The following ZRANB3 variants were observed in gnomAD, a reference collection of about 807,000 sequenced individuals.
ZRANB3 encodes the protein DNA annealing helicase and endonuclease ZRANB3.
A neutral mutation model predicts 133.8 loss-of-function variants in ZRANB3; 125 were observed. The ratio of observed to expected loss-of-function variants is 0.93; its 90% CI spans 0.81 to 1.08. The LOEUF is 1.08. Ranked by LOEUF, ZRANB3 falls within the 50% of genes least tolerant of loss-of-function variation. The pLI, the probability that ZRANB3 is intolerant of heterozygous loss-of-function variation, is 0.00. For synonymous variants in ZRANB3, 387 were observed against 432.7 expected (o/e 0.89, Z 1.31); for missense variants, 1,229 against 1,275.5 (o/e 0.96, Z 0.56).
At chr2:135,364,303 C>T (rs1324086777) in intron 3 of ZRANB3, among the ~76,000 whole-genome samples, 1 of 152,178 alleles carries the variant, frequency 6.6e-6, no homozygotes, top group Non-Finnish European at 1.5e-5. Flanking sequence ...CAGATAAAAA[C>T]ACGAAAAACA....
chr2:135,485,459 T>C (rs1187826447), intron 2 of ZRANB3, among the ~76,000 whole-genome samples: 1 of 152,228 alleles, frequency 6.6e-6, no homozygotes, highest in Non-Finnish European at 1.5e-5. Flanking sequence ...GATACAGGCA[T>C]ACCTCCAAGA....
rs1689321887 is a variant in ZRANB3 at position 135,431,483 on chromosome 2, T to G, written c.162-40663A>C. Among the ~76,000 whole-genome samples, 3 of 152,070 alleles carry G rather than the reference T, an allele frequency of 2.0e-5. No homozygotes were observed. The South Asian group carries it at 6.2e-4, about 31-fold the overall frequency. ...AAAAAGTATGAAAAGTAAATTGGAC[T>G]TCATCAAAATTAATATCTGCTCTTT... On this transcript the variant is annotated intron_variant, in intron 2 of 20. Transcript: ENST00000264159.
Position 135,243,518 on chromosome 2 carries a change from T to A in ZRANB3, c.1540-12591A>T, listed in dbSNP as rs112275239. ...ACTCCTTCTAAAAAAAATAATAATT[T>A]AAAAAAATTACCATTAATTAAGGAA... On this transcript the variant is annotated intron_variant, in intron 12 of 20. Coordinates refer to ENST00000264159, the MANE Select transcript of ZRANB3 (RefSeq NM_032143.4). 3.0e-3 allele frequency among the ~76,000 whole-genome samples: 456 copies of A among 152,276 alleles called. 3 individuals carry two copies. Among genetic ancestry groups the A allele is most frequent in the African/African-American group, 0.01 (423 of 41,560 alleles).
intron 6 of ZRANB3, among the ~76,000 whole-genome samples, chr2:135,335,625 G>A (rs539938318): frequency 1.5e-4 from 23 of 152,148 alleles, no homozygotes; most frequent in African/African-American, 5.1e-4. Flanking sequence ...CCAGGGAAGC[G>A]GAGGTTGCAG....
At chr2:135,371,733 A>G (rs1686189025) in intron 3 of ZRANB3, among the ~76,000 whole-genome samples, 1 of 151,984 alleles carries the variant, frequency 6.6e-6, no homozygotes, top group Non-Finnish European at 1.5e-5. Flanking sequence ...AAAGTTTTTG[A>G]AAAGATTCCT....
At chr2:135,328,386 A>G (rs1366950877) in intron 6 of ZRANB3, among the ~76,000 whole-genome samples, 2 of 152,148 alleles carry the variant, frequency 1.3e-5, no homozygotes, top group African/African-American at 2.4e-5. Flanking sequence ...TGCAAAGGAC[A>G]TGAACTCATC....
intron 2 of ZRANB3, among the ~76,000 whole-genome samples, chr2:135,407,702 G>C (rs1263612542): frequency 6.6e-6 from 1 of 151,748 alleles, no homozygotes; most frequent in Non-Finnish European, 1.5e-5. Flanking sequence ...TGACAAACCT[G>C]ACAAAAACAA....
chr2:135,287,559 G>GA (rs1268279101), intron 8 of ZRANB3, among the ~76,000 whole-genome samples: 1 of 151,996 alleles, frequency 6.6e-6, no homozygotes, highest in East Asian at 1.9e-4. Flanking sequence ...ATGAGCATGG[G>GA]ATGTGTTGAC....
intron 2 of ZRANB3, among the ~76,000 whole-genome samples, chr2:135,432,714 A>G (rs963477825): frequency 4.6e-5 from 7 of 152,156 alleles, no homozygotes; most frequent in African/African-American, 1.7e-4. Flanking sequence ...CCCAAACAGG[A>G]ACGTCTGAAA....
chr2:135,527,035 T>C (rs1311817138), intron 1 of ZRANB3, among the ~76,000 whole-genome samples: 2 of 152,216 alleles, frequency 1.3e-5, no homozygotes, highest in Non-Finnish European at 2.9e-5. Context: ...TTAAATGTAT[T>C]TGATTGATGT....
In ZRANB3 at chr2:135,513,651, T is replaced by C. The variant is rs1487118601; in HGVS notation, c.-7-9155A>G. 2.6e-5 allele frequency among the ~76,000 whole-genome samples: 4 copies of C among 152,322 alleles called. No individual in the cohort carries two copies. In the East Asian group the frequency reaches 7.7e-4, roughly 29 times the overall value. On this transcript the variant is annotated intron_variant, in intron 1 of 20. Coordinates refer to ENST00000264159, the MANE Select transcript of ZRANB3 (RefSeq NM_032143.4). The stretch of plus-strand genomic sequence containing the variant: ...AAACCTTTGTAATCTTGGGTTATGG[T>C]ATGGTTTTAGACAACAACACTAAAA...
chr2:135,390,720 G>C (rs1263507589), intron 3 of ZRANB3, 82 bp downstream of exon 3: 3 of 1,463,468 alleles, frequency 2.0e-6, no homozygotes, highest in Admixed American at 2.1e-5. Context: ...GTCATATGGA[G>C]AAAGAGTACA....
intron 2 of ZRANB3, among the ~76,000 whole-genome samples, chr2:135,463,406 A>T (rs1690844838): frequency 6.6e-6 from 1 of 152,000 alleles, no homozygotes; most frequent in South Asian, 2.1e-4. Context: ...ATCTTTCCAT[A>T]AGATAGGAAT....
rs61467742 is a variant in ZRANB3, at chr2:135,291,018, C to T, written c.967-15263G>A. 3.0e-3 allele frequency among the ~76,000 whole-genome samples: 454 copies of T among 152,032 alleles called. 2 individuals carry two copies. The highest frequency in any genetic ancestry group is 0.01 in the African/African-American group (430 of 41,472). On this transcript the variant is annotated intron_variant, in intron 8 of 20. Coordinates refer to ENST00000264159, the MANE Select transcript of ZRANB3 (RefSeq NM_032143.4). ...CCCAGAGAGGCAAGCCATTCTCATA[C>T]CTCAGCCTCCTTTTTGTATTTTTAC...
At chr2:135,496,691 AG>A (rs1482703063) in intron 2 of ZRANB3, among the ~76,000 whole-genome samples, 2 of 152,344 alleles carry the variant, frequency 1.3e-5, no homozygotes, top group African/African-American at 4.8e-5. Context: ...TCTGAAATTA[AG>A]AACAGAAAGT....
chr2:135,427,423 C>T (rs1004363363), intron 2 of ZRANB3, among the ~76,000 whole-genome samples: 11 of 152,112 alleles, frequency 7.2e-5, no homozygotes, highest in Non-Finnish European at 5.9e-5. Flanking sequence ...CAAACAATGT[C>T]CAAGCTGAGT....
intron 17 of ZRANB3, among the ~76,000 whole-genome samples, chr2:135,216,073 T>A (rs1694296088): frequency 2.0e-5 from 3 of 151,324 alleles, no homozygotes; most frequent in Non-Finnish European, 4.4e-5. Context: ...ATAGTGAAGT[T>A]TGTGTCTCCA....
At chr2:135,494,951 C>A (rs974089574) in intron 2 of ZRANB3, among the ~76,000 whole-genome samples, 11 of 152,120 alleles carry the variant, frequency 7.2e-5, no homozygotes, top group Admixed American at 2.0e-4. Flanking sequence ...TAGTTAAATT[C>A]CAGCCATGTG....
At chr2:135,449,843 G>A (rs760286561) in intron 2 of ZRANB3, among the ~76,000 whole-genome samples, 25 of 151,966 alleles carry the variant, frequency 1.6e-4, no homozygotes, top group Non-Finnish European at 2.2e-4. Context: ...TCACAGCCTC[G>A]AACTCACAGA....
Sources: allele counts gnomAD v4.1 joint callset (sites outside exome capture counted in the v4.1 genomes callset), GRCh38; gene constraint gnomAD v4.1.1; transcripts MANE v1.5; gene names NCBI Gene and HGNC (gene_info 2026-07-23, HGNC 2026-07-21).